Variants in DOCK1 observed in about 807,000 individuals in gnomAD.
DOCK1 encodes the protein dedicator of cytokinesis protein 1.
DOCK1 carries 138 observed loss-of-function variants against 262.7 expected under a neutral mutation model. The ratio of observed to expected loss-of-function variants is 0.53; its 90% CI spans 0.46 to 0.61. The LOEUF (loss-of-function observed/expected upper bound fraction) is 0.61, where lower values mean the gene tolerates loss of function less well. Ranked by LOEUF, DOCK1 falls within the 20% of genes least tolerant of loss-of-function variation. The pLI is 0.00. For missense variants in DOCK1, 1,908 were observed against 2,370.7 expected (o/e 0.80, Z 4.05); for synonymous variants, 866 against 867.4 (o/e 1.00, Z 0.03).
chr10:126,996,836 C>T lies in DOCK1; in HGVS notation c.562C>T (p.His188Tyr), dbSNP rs1367828851. ...LTSTISLFRA[H>Y]EIASKQVEER... ...TAGCACGATTAGTCTCTTCAGAGCTCATGAAATAGCTTCTAAACAAGTGGA... is the reference window on the plus strand; with the variant it reads ...TAGCACGATTAGTCTCTTCAGAGCTTATGAAATAGCTTCTAAACAAGTGGA... Residue 188 changes from histidine (H) to tyrosine (Y), a missense_variant, in exon 7 of 52, where the codon CAT becomes TAT. Physicochemically the swap from His to Tyr is moderately conservative, Grantham distance 83 (BLOSUM62 2). Transcript: ENST00000623213. 1 of 1,610,874 alleles carries T rather than the reference C, an allele frequency of 6.2e-7. No homozygotes were observed. Among genetic ancestry groups the T allele is most frequent in the Non-Finnish European group, 8.5e-7 (1 of 1,178,838 alleles).
At chr10:127,148,141 C>T (rs1466265900) in intron 27 of DOCK1, among the ~76,000 whole-genome samples, 1 of 152,164 alleles carries the variant, frequency 6.6e-6, no homozygotes, top group Non-Finnish European at 1.5e-5. Context: ...CAAGCTCCCC[C>T]TCTCTGATGT....
chr10:127,110,141 C>A, intron 24 of DOCK1, 107 bp from the exon 25 acceptor site: 2 of 851,036 alleles, frequency 2.4e-6, no homozygotes, highest in Non-Finnish European at 3.9e-6. Context: ...GTTGAACATA[C>A]TGGTGACATT....
chr10:127,128,506 C>A (rs529605965), intron 27 of DOCK1, among the ~76,000 whole-genome samples: 10 of 152,068 alleles, frequency 6.6e-5, no homozygotes, highest in African/African-American at 2.2e-4. Flanking sequence ...GCCCTGCATG[C>A]ATTCGGTATT....
At chr10:127,326,120 A>G (rs528075044) in intron 29 of DOCK1, among the ~76,000 whole-genome samples, 4 of 152,210 alleles carry the variant, frequency 2.6e-5, no homozygotes, top group Non-Finnish European at 5.9e-5. Flanking sequence ...TCTTGCGTCA[A>G]TGTTGATGGC....
In DOCK1 at chr10:127,100,126, C is replaced by T. The variant is rs1027987554; in HGVS notation, c.2446-6105C>T. Among the ~76,000 whole-genome samples the T allele has an allele frequency of 1.3e-5, 2 of 152,112 alleles. No homozygotes were observed. Among genetic ancestry groups the T allele is most frequent in the Admixed American group, 6.5e-5 (1 of 15,270 alleles). On this transcript the variant is annotated intron_variant, in intron 23 of 51. Transcript: ENST00000623213. The surrounding 1 kb of genome is among the most constrained non-coding windows in gnomAD (Gnocchi z 5.5). Reference sequence around the variant, plus strand: ...TGTGTCCCATGAGCAGGGGACGTTGCCACAGTATCTAAATTCCATTTGCAT... The same window carrying T: ...TGTGTCCCATGAGCAGGGGACGTTGTCACAGTATCTAAATTCCATTTGCAT...
chr10:127,031,493 T>C (rs2043237188), intron 16 of DOCK1, among the ~76,000 whole-genome samples, 157 bp from the exon 17 acceptor site: 1 of 152,220 alleles, frequency 6.6e-6, no homozygotes, highest in Non-Finnish European at 1.5e-5. Context: ...CTTGTAAACG[T>C]GGTCCATTTT....
At chr10:127,062,711 G>T (rs1478027902) in intron 23 of DOCK1, among the ~76,000 whole-genome samples, 1 of 152,198 alleles carries the variant, frequency 6.6e-6, no homozygotes, top group Non-Finnish European at 1.5e-5. Flanking sequence ...TTTGCTGTTT[G>T]GCAAGACAGA....
chr10:127,351,943 G>A (rs1432598787), intron 31 of DOCK1, among the ~76,000 whole-genome samples: 3 of 151,758 alleles, frequency 2.0e-5, no homozygotes, highest in Admixed American at 1.3e-4. Flanking sequence ...TGTCCTATTT[G>A]ACAATTAAAA....
intron 27 of DOCK1, among the ~76,000 whole-genome samples, chr10:127,194,771 A>G (rs2134147425): frequency 6.6e-6 from 1 of 152,262 alleles, no homozygotes; most frequent in Admixed American, 6.5e-5. Flanking sequence ...CCTGAGCTGT[A>G]GTCTTCTGAA....
chr10:126,971,829 C>CT (rs1021523869), intron 2 of DOCK1, among the ~76,000 whole-genome samples: 9 of 150,892 alleles, frequency 6.0e-5, no homozygotes, highest in African/African-American at 2.2e-4. Context: ...TCATCCTTTC[C>CT]TTTTTTTTTA....
chr10:127,239,015 C>T (rs1439178492), intron 27 of DOCK1, among the ~76,000 whole-genome samples: 1 of 152,202 alleles, frequency 6.6e-6, no homozygotes, highest in African/African-American at 2.4e-5. Flanking sequence ...GGAAGTAGAA[C>T]CTCAGTGGGT....
At chr10:127,205,224 ATCT>A (rs764651982) in intron 27 of DOCK1, among the ~76,000 whole-genome samples, 2 of 152,116 alleles carry the variant, frequency 1.3e-5, no homozygotes, top group East Asian at 3.9e-4. Context: ...GAGAACCAAC[ATCT>A]TCACCTTCAG....
At chr10:127,174,793 T>G (rs185487373) in intron 27 of DOCK1, among the ~76,000 whole-genome samples, 2 of 152,380 alleles carry the variant, frequency 1.3e-5, no homozygotes, top group Non-Finnish European at 2.9e-5. Flanking sequence ...ACATGAAATT[T>G]CCTTTCTCTT....
chr10:126,905,841 C>T (rs1246014328), intron 1 of DOCK1, among the ~76,000 whole-genome samples: 1 of 151,856 alleles, frequency 6.6e-6, no homozygotes. Flanking sequence ...GTGTCCCCTC[C>T]GACGCCCGCT....
chr10:127,279,463 T>A (rs998246480), intron 29 of DOCK1, among the ~76,000 whole-genome samples: 3 of 152,224 alleles, frequency 2.0e-5, no homozygotes, highest in African/African-American at 7.2e-5. Context: ...GTGTTCTGTA[T>A]AGACAAAGGC....
In DOCK1 at chr10:127,436,327, G is replaced by A. The variant is rs11814769; in HGVS notation, c.5061-2700G>A. On this transcript the variant is annotated intron_variant, in intron 48 of 51. Transcript: ENST00000623213. ...AGCTCTGGAGTTCAAGACCAGCCTA[G>A]GCAACATAACAAAACCCCATCTCTA... 2.0e-5 allele frequency among the ~76,000 whole-genome samples: 3 copies of A among 152,216 alleles called. No homozygotes were observed. The East Asian group carries it at 5.8e-4, about 29-fold the overall frequency.
chr10:127,061,601 A>T, intron 22 of DOCK1, 67 bp from the exon 23 acceptor site: 2 of 1,326,514 alleles, frequency 1.5e-6, no homozygotes, highest in Non-Finnish European at 2.1e-6. Flanking sequence ...TCATGGCTAT[A>T]GACATGGATT....
intron 27 of DOCK1, among the ~76,000 whole-genome samples, chr10:127,166,627 C>A: frequency 6.6e-6 from 1 of 152,174 alleles, no homozygotes; most frequent in East Asian, 1.9e-4. Context: ...AAATAGGTGA[C>A]CTCTGTAGGT....
chr10:127,372,755 A>C (rs1003626357), intron 33 of DOCK1, among the ~76,000 whole-genome samples: 4 of 152,226 alleles, frequency 2.6e-5, no homozygotes, highest in Non-Finnish European at 5.9e-5. Flanking sequence ...AGACCCTTGC[A>C]TACATGCCCA....
Sources: allele counts gnomAD v4.1 joint callset (sites outside exome capture counted in the v4.1 genomes callset), GRCh38; gene constraint gnomAD v4.1.1; non-coding constraint Gnocchi (gnomAD v3.1); transcripts MANE v1.5; gene names NCBI Gene and HGNC (gene_info 2026-07-23, HGNC 2026-07-21).